The following AKAP8 variants were observed in gnomAD, a reference collection of about 807,000 sequenced individuals.
AKAP8 encodes A-kinase anchoring protein 8, also known as A-kinase anchor protein 8.
A neutral mutation model predicts 67.5 loss-of-function variants in AKAP8; 24 were observed. The ratio of observed to expected loss-of-function variants is 0.36; its 90% CI spans 0.26 to 0.50. The LOEUF is 0.50. Ranked by LOEUF, AKAP8 falls within the 20% of genes least tolerant of loss-of-function variation. The probability of loss-of-function intolerance (pLI) is 0.97; values close to 1 mark genes in which losing one functional copy is unlikely to be tolerated. For synonymous variants in AKAP8, 400 were observed against 371.1 expected (o/e 1.08, Z -0.90); for missense variants, 971 against 955.9 (o/e 1.02, Z -0.21).
intron 4 of AKAP8, 108 bp from the exon 5 acceptor site, chr19:15,373,448 C>G: frequency 6.9e-7 from 1 of 1,439,012 alleles, no homozygotes; most frequent in Non-Finnish European, 9.2e-7. Context: ...AACCAAACCA[C>G]CCTGCATCCC....
In AKAP8 at chr19:15,362,841, CCT is replaced by C. The variant is rs1281746325; in HGVS notation, c.1161-592_1161-591del. On this transcript the variant is annotated intron_variant, in intron 9 of 13. Coordinates refer to ENST00000269701, the MANE Select transcript of AKAP8 (RefSeq NM_005858.4). The stretch of plus-strand genomic sequence containing the variant: ...CCCATCGTCTGGGATGTGAGGAGCC[CCT>C]CTGCCTGGCTGCCCAGTCTGGAAAG... Among the ~76,000 whole-genome samples the C allele has an allele frequency of 3.3e-5, 5 of 149,726 alleles. No homozygotes were observed. The East Asian group carries it at 1.0e-3, about 31-fold the overall frequency.
At position 15,379,760 on chromosome 19, in the gene AKAP8, G is replaced by A. The variant is rs566754006; in HGVS notation, c.-29C>T. ...TTCGACGCGGCCCACCAGCAGCCCC[G>A]TTTACTAGGCGACCACAGCACGCAT... On this transcript the variant is annotated 5_prime_UTR_variant, in exon 1 of 14. It adds an upstream start codon to the 5' untranslated region. Transcript: ENST00000269701. The A allele has an allele frequency of 3.1e-6, 5 of 1,610,106 alleles. No homozygotes were observed. The highest frequency in any genetic ancestry group is 1.1e-5 in the South Asian group (1 of 90,406).
chr19:15,374,505 A>G (rs1302153707), intron 3 of AKAP8, 98 bp downstream of exon 3: 4 of 1,421,878 alleles, frequency 2.8e-6, no homozygotes, highest in African/African-American at 1.4e-5. Context: ...ACAGAGCCAG[A>G]AAGTCCACGC....
At chr19:15,374,141 G>GCAC (rs1967211453) in intron 3 of AKAP8, 76 bp from the exon 4 acceptor site, 1 of 1,478,972 alleles carries the variant, frequency 6.8e-7, no homozygotes, top group Admixed American at 2.3e-5. Flanking sequence ...CCGGGGAGGG[G>GCAC]CACCCGCTGC....
At position 15,360,932 on chromosome 19, in the gene AKAP8, G is replaced by A. The variant is rs1379987217; in HGVS notation, c.1443C>T (p.Cys481=). Residue 481 remains cysteine (C), a synonymous_variant, in exon 12 of 14, where the codon TGC becomes TGT. Transcript: ENST00000269701. ...CAGGAATTAGCATGTCGCAGGCCAG[G>A]CAGTGAGCAGCCTCGATCTTCTTGA... The part of the protein sequence containing the change: ...HFFKKIEAAH[C]LACDMLIPAQ... 9 of 1,613,538 alleles carry A rather than the reference G, an allele frequency of 5.6e-6. No homozygotes were observed. The Admixed American group carries it at 1.5e-4, about 27-fold the overall frequency.
intron 5 of AKAP8, among the ~76,000 whole-genome samples, 158 bp from the exon 6 acceptor site, chr19:15,372,505 G>A (rs1967176556): frequency 6.6e-6 from 1 of 152,148 alleles, no homozygotes; most frequent in Admixed American, 6.5e-5. Context: ...AGAAAATCAT[G>A]CTGAGTGAAA....
rs909575710 is a variant in AKAP8, at chr19:15,371,824, G to A, written c.1038+128C>T. On this transcript the variant is annotated intron_variant, in intron 7 of 13. Transcript: ENST00000269701. The stretch of plus-strand genomic sequence containing the variant: ...CTTTTAGAAATCTAGCTAAAAGTCA[G>A]GGTCCTGAATCCACTCAGAGGTAGT... The A allele has an allele frequency of 1.2e-5, 12 of 1,029,626 alleles. No homozygotes were observed. The Admixed American group carries it at 1.5e-4, about 13-fold the overall frequency. The allele number at this position is 1,029,626 out of a possible 1,614,324, so 63.8% of individuals were successfully genotyped here. A position where few individuals can be genotyped will look rare whatever the true frequency, so the allele number is the denominator to read the frequency against.
rs115465396 is a variant in AKAP8, at chr19:15,374,270, G to T, written c.92-205C>A. On this transcript the variant is annotated intron_variant, in intron 3 of 13. Transcript: ENST00000269701. Reference sequence around the variant, plus strand: ...GAAAGGGGCAGCCTCAGTGCCGAGCGGCGGGTTTTCCATGCCAGACGCTAG... The same window carrying T: ...GAAAGGGGCAGCCTCAGTGCCGAGCTGCGGGTTTTCCATGCCAGACGCTAG... Among the ~76,000 whole-genome samples, 6 of 152,318 alleles carry T rather than the reference G, an allele frequency of 3.9e-5. No individual in the cohort carries two copies. In the East Asian group the frequency reaches 1.2e-3, roughly 29 times the overall value.
At chr19:15,376,646 T>C (rs1395429492) in intron 2 of AKAP8, among the ~76,000 whole-genome samples, 1 of 152,216 alleles carries the variant, frequency 6.6e-6, no homozygotes, top group Non-Finnish European at 1.5e-5. Flanking sequence ...ACACCTCGGA[T>C]ATACCCTCAG....
chr19:15,355,413 C>T, intron 13 of AKAP8, 43 bp from the exon 14 acceptor site: 1 of 1,546,706 alleles, frequency 6.5e-7, no homozygotes, highest in Non-Finnish European at 8.8e-7. Flanking sequence ...GTAAGCAGAG[C>T]TCAGGAGGCC....
intron 2 of AKAP8, among the ~76,000 whole-genome samples, chr19:15,375,185 C>T (rs565118528): frequency 1.3e-5 from 2 of 152,178 alleles, no homozygotes; most frequent in Non-Finnish European, 2.9e-5. Context: ...AGGAAGCCCT[C>T]GTGCCCTAAA....
intron 8 of AKAP8, 27 bp from the exon 9 acceptor site, chr19:15,368,349 G>T: frequency 1.2e-6 from 2 of 1,612,744 alleles, no homozygotes; most frequent in Non-Finnish European, 1.7e-6. Context: ...CCTTCGAGAC[G>T]CTCTGAGTGG....
At chr19:15,370,625 CTT>C (rs71176407) in intron 7 of AKAP8, among the ~76,000 whole-genome samples, 5 of 80,954 alleles carry the variant, frequency 6.2e-5, no homozygotes, top group South Asian at 1.1e-3. Flanking sequence ...TACCCAATGT[CTT>C]TTTTTTTTTT....
At chr19:15,359,719 T>C (rs564710850) in intron 12 of AKAP8, among the ~76,000 whole-genome samples, 1 of 150,154 alleles carries the variant, frequency 6.7e-6, no homozygotes, top group East Asian at 2.0e-4. Flanking sequence ...AAAATAAAAT[T>C]AAAAACAAAA....
At chr19:15,377,322 A>C (rs547208520) in intron 1 of AKAP8, among the ~76,000 whole-genome samples, 2 of 152,320 alleles carry the variant, frequency 1.3e-5, no homozygotes, top group South Asian at 4.1e-4. Context: ...GGCTAACACA[A>C]GACAATCCAC....
chr19:15,375,997 CA>C (rs1967246143), intron 2 of AKAP8, among the ~76,000 whole-genome samples: 1 of 150,634 alleles, frequency 6.6e-6, no homozygotes, highest in African/African-American at 2.4e-5. Context: ...GTGGCATAAT[CA>C]CAGCTCACTG....
At chr19:15,360,553 T>C (rs975674120) in intron 12 of AKAP8, among the ~76,000 whole-genome samples, 2 of 152,228 alleles carry the variant, frequency 1.3e-5, no homozygotes, top group Non-Finnish European at 2.9e-5. Context: ...CAGCTTTCAA[T>C]GGCCCTTCGG....
At chr19:15,366,086 C>CTTTT (rs375441663) in intron 9 of AKAP8, among the ~76,000 whole-genome samples, 1 of 92,212 alleles carries the variant, frequency 1.1e-5, no homozygotes, top group Non-Finnish European at 1.9e-5. Context: ...CTGAAGGTTT[C>CTTTT]TTTTTTTTTT....
In AKAP8 at chr19:15,364,909, G is replaced by A. The variant is rs75411282; in HGVS notation, c.1161-2658C>T. Among the ~76,000 whole-genome samples, 379 of 152,300 alleles carry A rather than the reference G, an allele frequency of 2.5e-3. 2 individuals carry two copies. Among genetic ancestry groups the A allele is most frequent in the African/African-American group, 8.5e-3 (353 of 41,566 alleles). On this transcript the variant is annotated intron_variant, in intron 9 of 13. Coordinates refer to ENST00000269701, the MANE Select transcript of AKAP8 (RefSeq NM_005858.4). ...GCTGGGATTAGAGGTGCATGCCACC[G>A]CACTCAGCCAGGGAAAGTGGCTGCT...
Sources: allele counts gnomAD v4.1 joint callset (sites outside exome capture counted in the v4.1 genomes callset), GRCh38; gene constraint gnomAD v4.1.1; transcripts MANE v1.5; gene names NCBI Gene and HGNC (gene_info 2026-07-23, HGNC 2026-07-21).